CABLES1: variants seen among roughly 807,000 people sequenced by gnomAD.
CABLES1 encodes Cdk5 and Abl enzyme substrate 1, also known as CDK5 and ABL1 enzyme substrate 1.
In CABLES1, 36 loss-of-function variants were observed where a neutral mutation model predicts 57.8. That is an observed-to-expected ratio of 0.62 (90% CI 0.48 to 0.82). The LOEUF (loss-of-function observed/expected upper bound fraction) is 0.82. Ranked by LOEUF, CABLES1 falls within the 40% of genes least tolerant of loss-of-function variation. CABLES1 has a pLI of 0.00. For synonymous variants in CABLES1, 374 were observed against 363.0 expected (o/e 1.03, Z -0.35); for missense variants, 767 against 836.6 (o/e 0.92, Z 1.03).
chr18:23,174,686 A>C (rs1434214815), intron 1 of CABLES1, among the ~76,000 whole-genome samples: 3 of 151,426 alleles, frequency 2.0e-5, no homozygotes, highest in East Asian at 1.9e-4. Context: ...GTTAGCCAGG[A>C]TGGTGTCGAT....
Position 23,136,137 on chromosome 18 carries a change from G to A in CABLES1, c.375G>A (p.Pro125=). The A allele has an allele frequency of 8.3e-7, 1 of 1,201,480 alleles. No homozygotes were observed. Among genetic ancestry groups the A allele is most frequent in the Non-Finnish European group, 1.0e-6 (1 of 968,768 alleles). 74.4% of individuals were successfully genotyped at this position (1,201,480 alleles called of 1,614,324 possible). Residue 125 remains proline, a synonymous_variant, in exon 1 of 10, where the codon CCG becomes CCA. Transcript: ENST00000256925. ...ERGGCIALAA[P]GTPAAGLAAG... ...GCGGCTGCATCGCGCTCGCCGCGCC[G>A]GGCACGCCGGCTGCGGGGTTAGCCG...
rs1194294142 is a variant in CABLES1, at chr18:23,135,920, G to A, written c.158G>A (p.Arg53Gln). 9.1e-7 allele frequency: 1 copy of A among 1,096,504 alleles called. No homozygotes were observed. 67.9% of individuals were successfully genotyped at this position (1,096,504 alleles called of 1,614,324 possible). A position where few individuals can be genotyped will look rare whatever the true frequency, so the allele number is the denominator to read the frequency against. Residue 53 changes from arginine (R) to glutamine (Q), a missense_variant, in exon 1 of 10, where the codon CGG (arginine) becomes CAG (glutamine). Around this residue, in one of 4 missense-constraint regions of CABLES1, gnomAD observed 198 missense variants for 149.7 expected, o/e 1.32. Coordinates refer to ENST00000256925, the MANE Select transcript of CABLES1 (RefSeq NM_001100619.3). ...APAQPPPEPPRKPRMDPRRRQ... is the reference protein window; with the variant it reads ...APAQPPPEPPQKPRMDPRRRQ... Reference sequence around the variant, plus strand: ...GCCCAGCCGCCGCCCGAACCCCCCCGGAAGCCGCGCATGGACCCGCGGCGC... The same window carrying A: ...GCCCAGCCGCCGCCCGAACCCCCCCAGAAGCCGCGCATGGACCCGCGGCGC...
intron 1 of CABLES1, chr18:23,155,864 G>C: frequency 1.2e-6 from 2 of 1,613,370 alleles, no homozygotes; most frequent in Non-Finnish European, 1.7e-6. Context: ...CTCATAAAAT[G>C]AGTTTGGAGT....
At chr18:23,182,931 C>T (rs529331589) in intron 1 of CABLES1, among the ~76,000 whole-genome samples, 1 of 152,362 alleles carries the variant, frequency 6.6e-6, no homozygotes, top group East Asian at 1.9e-4. Context: ...TTACCAGGCT[C>T]AGGAGAGAGG....
At chr18:23,216,826 G>A (rs940041655) in intron 4 of CABLES1, among the ~76,000 whole-genome samples, 19 of 152,186 alleles carry the variant, frequency 1.2e-4, no homozygotes, top group African/African-American at 4.6e-4. Flanking sequence ...GCCAGTTGGT[G>A]CTAGGAAACA....
intron 1 of CABLES1, among the ~76,000 whole-genome samples, chr18:23,166,698 G>A (rs1014786804): frequency 6.6e-6 from 1 of 152,104 alleles, no homozygotes; most frequent in Non-Finnish European, 1.5e-5. Flanking sequence ...TTTTTGTGCC[G>A]TATATATACA....
At chr18:23,140,424 CTTTCGTTTTCTTTCTT>C (rs2046850312) in intron 1 of CABLES1, among the ~76,000 whole-genome samples, 1 of 145,980 alleles carries the variant, frequency 6.9e-6, no homozygotes, top group African/African-American at 2.6e-5. Context: ...ATTTTTCTTT[CTTTCGTTTTCTTTCTT>C]TTTTTTTTTT....
At chr18:23,175,197 C>T (rs2047114398) in intron 1 of CABLES1, among the ~76,000 whole-genome samples, 1 of 152,084 alleles carries the variant, frequency 6.6e-6, no homozygotes, top group South Asian at 2.1e-4. Context: ...GTTTGTACCT[C>T]AAAACAGCTA....
intron 5 of CABLES1, among the ~76,000 whole-genome samples, chr18:23,235,485 G>C (rs2047598396): frequency 6.6e-6 from 1 of 152,250 alleles, no homozygotes; most frequent in Admixed American, 6.5e-5. Context: ...CAGAGGAGCA[G>C]GGTAGGAGGC....
At chr18:23,168,134 G>C (rs2047056788) in intron 1 of CABLES1, among the ~76,000 whole-genome samples, 1 of 152,182 alleles carries the variant, frequency 6.6e-6, no homozygotes, top group Non-Finnish European at 1.5e-5. Context: ...TCAGAGTAGG[G>C]AAAAAGCAGG....
chr18:23,154,498 CGA>C (rs1406002028), intron 1 of CABLES1, among the ~76,000 whole-genome samples: 1 of 152,088 alleles, frequency 6.6e-6, no homozygotes, highest in African/African-American at 2.4e-5. Context: ...GAGGGGGAGA[CGA>C]TATTTAACAA....
chr18:23,151,486 G>A (rs753576877), intron 1 of CABLES1, among the ~76,000 whole-genome samples: 4 of 152,216 alleles, frequency 2.6e-5, no homozygotes, highest in South Asian at 2.1e-4. Context: ...TGGCAGGTGC[G>A]TCTTGGAGGT....
intron 2 of CABLES1, 32 bp downstream of exon 2, chr18:23,188,941 A>G: frequency 6.9e-7 from 1 of 1,438,994 alleles, no homozygotes; most frequent in African/African-American, 1.4e-5. Context: ...GTATATGTAA[A>G]CAGTACACCA....
intron 7 of CABLES1, among the ~76,000 whole-genome samples, chr18:23,249,774 C>T (rs1233211410): frequency 6.6e-6 from 1 of 152,092 alleles, no homozygotes; most frequent in African/African-American, 2.4e-5. Flanking sequence ...CAGCCCTTTC[C>T]ACTGCTAGCG....
intron 1 of CABLES1, 121 bp downstream of exon 1, chr18:23,136,728 C>T (rs2046825334): frequency 1.6e-6 from 1 of 628,894 alleles, no homozygotes; most frequent in African/African-American, 1.9e-5. Flanking sequence ...CTGCCGGATC[C>T]TGTGCTCCGG....
chr18:23,180,205 G>GC (rs1310481334), intron 1 of CABLES1, among the ~76,000 whole-genome samples: 1 of 152,184 alleles, frequency 6.6e-6, no homozygotes, highest in Non-Finnish European at 1.5e-5. Context: ...ACAGGCATGA[G>GC]CCACCGCGCC....
At chr18:23,150,283 ACTG>A (rs962598488) in intron 1 of CABLES1, among the ~76,000 whole-genome samples, 11 of 134,234 alleles carry the variant, frequency 8.2e-5, no homozygotes, top group Admixed American at 4.3e-4. Context: ...ATCTTGGCTC[ACTG>A]CCAGCTCCAC....
intron 1 of CABLES1, among the ~76,000 whole-genome samples, chr18:23,183,209 G>T (rs936123729): frequency 6.6e-5 from 10 of 152,194 alleles, no homozygotes; most frequent in African/African-American, 2.4e-4. Context: ...GCCTCTCCCA[G>T]TGCTTTGTCA....
rs760910195 is a variant in CABLES1 at position 23,194,517 on chromosome 18, G to T, written c.987G>T (p.Arg329=). Residue 329 remains arginine (R), a synonymous_variant, in exon 3 of 10, where the codon CGG becomes CGT. Coordinates refer to ENST00000256925, the MANE Select transcript of CABLES1 (RefSeq NM_001100619.3). ...AGATTCATTTTATCAAGAACATGCG[G>T]CAACACGATACCAGGAATGGCAGGT... The part of the protein sequence containing the change: ...FKKIHFIKNM[R]QHDTRNGRIV... 4 of 1,612,128 alleles carry T rather than the reference G, an allele frequency of 2.5e-6. No homozygotes were observed. In the African/African-American group the frequency reaches 5.3e-5, roughly 22 times the overall value.
Sources: allele counts gnomAD v4.1 joint callset (sites outside exome capture counted in the v4.1 genomes callset), GRCh38; gene constraint gnomAD v4.1.1; regional missense constraint gnomAD v4.1.1; transcripts MANE v1.5; gene names NCBI Gene and HGNC (gene_info 2026-07-23, HGNC 2026-07-21).